The following MS4A13 variants were observed in gnomAD, a reference collection of about 807,000 sequenced individuals.
MS4A13 encodes membrane spanning 4-domains A13, also known as membrane-spanning 4-domains subfamily A member 13.
MS4A13 carries 21 observed loss-of-function variants against 18.4 expected under a neutral mutation model. The observed-to-expected ratio is 1.14, with a 90% CI of 0.81 to 1.64. MS4A13 has a LOEUF of 1.64. Ranked by LOEUF, MS4A13 falls within the 40% of genes most tolerant of loss-of-function variation. The pLI is 0.00. For missense variants in MS4A13, 173 were observed against 176.8 expected, an observed-to-expected ratio of 0.98 and a Z score of 0.12; for synonymous variants, 62 against 57.2, an observed-to-expected ratio of 1.08 and a Z score of -0.38.
chr11:60,523,778 GTA>G (rs1474789765), intron 3 of MS4A13, 117 bp from the exon 4 acceptor site: 11 of 641,154 alleles, frequency 1.7e-5, no homozygotes, highest in Non-Finnish European at 3.0e-5. Context: ...TAAAACTTCT[GTA>G]TATTTTGTTA....
At chr11:60,531,467 A>G (rs1019432592) in intron 6 of MS4A13, among the ~76,000 whole-genome samples, 1 of 152,212 alleles carries the variant, frequency 6.6e-6, no homozygotes, top group African/African-American at 2.4e-5. Context: ...TTGGTTGAAC[A>G]AGAGGCCTTG....
intron 6 of MS4A13, among the ~76,000 whole-genome samples, chr11:60,532,446 A>G (rs942949427): frequency 7.2e-5 from 11 of 152,314 alleles, no homozygotes; most frequent in Admixed American, 7.2e-4. Flanking sequence ...TCCCACCCGA[A>G]TATTGCGCTT....
intron 2 of MS4A13, 86 bp from the exon 3 acceptor site, chr11:60,517,986 T>A (rs980944155): frequency 8.8e-6 from 9 of 1,022,026 alleles, no homozygotes; most frequent in Non-Finnish European, 1.1e-5. Context: ...TTTGTAAAGG[T>A]GTTAAATGCT....
chr11:60,525,817 C>T (rs2086709723), intron 5 of MS4A13, among the ~76,000 whole-genome samples: 1 of 152,048 alleles, frequency 6.6e-6, no homozygotes, highest in Admixed American at 6.6e-5. Context: ...ATAAACCTAA[C>T]TTGTTTCCAT....
At position 60,538,407 on chromosome 11, in the gene MS4A13, A is replaced by G. The variant is rs112508886; in HGVS notation, c.403-4112A>G. Among the ~76,000 whole-genome samples, 1,207 of 151,510 alleles carry G rather than the reference A, an allele frequency of 8.0e-3. 20 individuals are homozygous for G. Among genetic ancestry groups the G allele is most frequent in the African/African-American group, 0.028 (1,161 of 41,310 alleles). On this transcript the variant is annotated intron_variant, in intron 6 of 6. Coordinates refer to ENST00000378186, the MANE Select transcript of MS4A13 (RefSeq NM_001012417.3). ...CTGGATATTCCAAAACTACCAAAAGAGTTGATTTTAAATGTTTTCATCACA... is the reference window on the plus strand; with the variant it reads ...CTGGATATTCCAAAACTACCAAAAGGGTTGATTTTAAATGTTTTCATCACA...
chr11:60,524,378 T>C (rs11230357), intron 4 of MS4A13, among the ~76,000 whole-genome samples: 12,754 of 152,200 alleles, frequency 0.084, 584 homozygotes, highest in South Asian at 0.16. Context: ...ATGCATGGTA[T>C]AGGTGGATAG....
At chr11:60,523,016 C>T (rs1213197139) in intron 3 of MS4A13, among the ~76,000 whole-genome samples, 1 of 152,196 alleles carries the variant, frequency 6.6e-6, no homozygotes, top group Non-Finnish European at 1.5e-5. Flanking sequence ...GAAAGATAAT[C>T]TCATTAGAGA....
At chr11:60,521,336 C>G (rs879842919) in intron 3 of MS4A13, among the ~76,000 whole-genome samples, 1 of 152,148 alleles carries the variant, frequency 6.6e-6, no homozygotes, top group Non-Finnish European at 1.5e-5. Context: ...ATGGGTTTTT[C>G]TTTTCTATCA....
At chr11:60,543,088 C>T (rs571776012), downstream of MS4A13, among the ~76,000 whole-genome samples, 1 of 152,168 alleles carries the variant, frequency 6.6e-6, no homozygotes, top group Admixed American at 6.5e-5. Context: ...TTTAAAGTTC[C>T]TTTCTGCCCT....
chr11:60,529,435 A>C lies in MS4A13; in HGVS notation c.377A>C (p.His126Pro). 1 of 1,605,960 alleles carries C rather than the reference A, an allele frequency of 6.2e-7. No homozygotes were observed. The highest frequency in any genetic ancestry group is 8.5e-7 in the Non-Finnish European group (1 of 1,175,872). Reference sequence around the variant, plus strand: ...TTGGAATTTTCTATTGCACTTACACACTCAATATACAGCTGTTCCAATTTG... The same window carrying C: ...TTGGAATTTTCTATTGCACTTACACCCTCAATATACAGCTGTTCCAATTTG... ...YGLEFSIALT[H>P]SIYSCSNLFR... Residue 126 changes from histidine to proline, a missense_variant, in exon 6 of 7, where the codon CAC (histidine) becomes CCC (proline). Coordinates refer to ENST00000378186, the MANE Select transcript of MS4A13 (RefSeq NM_001012417.3).
At chr11:60,517,177 T>A (rs908108913) in intron 2 of MS4A13, among the ~76,000 whole-genome samples, 1 of 143,720 alleles carries the variant, frequency 7.0e-6, no homozygotes, top group African/African-American at 2.7e-5. Flanking sequence ...AAAAAGAGAC[T>A]TTTTCTTAAA....
chr11:60,515,808 A>G (rs1045483975), intron 1 of MS4A13, 161 bp from the exon 2 acceptor site: 1 of 152,236 alleles, frequency 6.6e-6, no homozygotes, highest in Non-Finnish European at 1.5e-5. Context: ...TTCAGAACAG[A>G]TGGATGAAAG....
rs1343367348 is a variant in MS4A13 at position 60,515,511 on chromosome 11, C to T, written c.-225C>T. ...GCGCGTTGCCAGCCGGGATCTTCCT[C>T]TTCATCTAGGCCTGGGCGCTGGCGT... On this transcript the variant is annotated 5_prime_UTR_variant, in exon 1 of 7. Transcript: ENST00000378186. 6.6e-6 allele frequency: 1 copy of T among 152,370 alleles called. No individual in the cohort carries two copies. Among genetic ancestry groups the T allele is most frequent in the Non-Finnish European group, 1.5e-5 (1 of 68,136 alleles). 9.4% of individuals were successfully genotyped at this position (152,370 alleles called of 1,614,324 possible).
chr11:60,538,085 C>T (rs1428305399), intron 6 of MS4A13, among the ~76,000 whole-genome samples: 16 of 147,806 alleles, frequency 1.1e-4, no homozygotes, highest in South Asian at 6.6e-4. Flanking sequence ...CTGGATGACA[C>T]GTTGGTGGGT....
rs764775506 is a variant in MS4A13 at position 60,518,126 on chromosome 11, G to A, written c.43G>A (p.Val15Ile). The A allele has an allele frequency of 5.0e-6, 8 of 1,609,144 alleles. No homozygotes were observed. Among genetic ancestry groups the A allele is most frequent in the Admixed American group, 1.7e-5 (1 of 59,898 alleles). ...FHIFMWYFLL[V>I]LYMGQIKGAF... ...CATTTTCATGTGGTACTTTCTATTG[G>A]TTTTGTATATGGGACAAATTAAAGG... The change falls in exon 3 of 7, where the codon GTT (valine) becomes ATT (isoleucine). Residue 15 changes from valine (V) to isoleucine (I), a missense_variant. Coordinates refer to ENST00000378186, the MANE Select transcript of MS4A13 (RefSeq NM_001012417.3).
Position 60,539,434 on chromosome 11 carries a change from C to T in MS4A13, c.403-3085C>T, listed in dbSNP as rs557840437. Among the ~76,000 whole-genome samples the T allele has an allele frequency of 9.2e-5, 14 of 151,430 alleles. No homozygotes were observed. The East Asian group carries it at 1.6e-3, about 17-fold the overall frequency. On this transcript the variant is annotated intron_variant, in intron 6 of 6. Coordinates refer to ENST00000378186, the MANE Select transcript of MS4A13 (RefSeq NM_001012417.3). ...AGAGCAAAAAAGATATTGCCCAGTCCGAAGAACAGGAAAAAAAGAAAATGA... is the reference window on the plus strand; with the variant it reads ...AGAGCAAAAAAGATATTGCCCAGTCTGAAGAACAGGAAAAAAAGAAAATGA...
downstream of MS4A13, chr11:60,542,854 G>C (rs1006423358): frequency 2.4e-4 from 57 of 234,850 alleles, no homozygotes; most frequent in African/African-American, 9.2e-4. Context: ...TTTTGTAAGA[G>C]ACTGTAAAAA....
intron 6 of MS4A13, 88 bp from the exon 7 acceptor site, chr11:60,542,431 C>T: frequency 1.2e-6 from 1 of 823,082 alleles, no homozygotes; most frequent in Non-Finnish European, 1.9e-6. Context: ...ATCAGTATTA[C>T]CTGTATTTTT....
At chr11:60,538,177 TA>T (rs1555025699) in intron 6 of MS4A13, among the ~76,000 whole-genome samples, 2,554 of 75,080 alleles carry the variant, frequency 0.034, 55 homozygotes, top group African/African-American at 0.058. Flanking sequence ...TAAAGTATAA[TA>T]AAAAAAAAAA....
Sources: allele counts gnomAD v4.1 joint callset (sites outside exome capture counted in the v4.1 genomes callset), GRCh38; gene constraint gnomAD v4.1.1; transcripts MANE v1.5; gene names NCBI Gene and HGNC (gene_info 2026-07-23, HGNC 2026-07-21).